Variants in SPATA21 observed in about 807,000 individuals in gnomAD.
The protein encoded by SPATA21 is spermatogenesis-associated protein 21.
SPATA21 carries 47 observed loss-of-function variants against 54.8 expected under a neutral mutation model. The ratio of observed to expected loss-of-function variants is 0.86; its 90% CI spans 0.68 to 1.09. The LOEUF (loss-of-function observed/expected upper bound fraction) is 1.09, where lower values mean the gene tolerates loss of function less well. SPATA21 is among the 50% of genes least tolerant of loss of function. SPATA21 has a pLI of 0.00. For synonymous variants in SPATA21, 245 were observed against 235.3 expected (o/e 1.04, Z -0.38); for missense variants, 599 against 596.4 (o/e 1.00, Z -0.05).
In SPATA21 at chr1:16,399,533, G is replaced by A. The variant is rs1248308326; in HGVS notation, c.1175-12C>T. 6.2e-7 allele frequency: 1 copy of A among 1,609,366 alleles called. No individual in the cohort carries two copies. The highest frequency in any genetic ancestry group is 2.2e-5 in the East Asian group (1 of 44,854). The stretch of plus-strand genomic sequence containing the variant: ...CTGCAGGTTGGGAGCTGGTGAAGAA[G>A]GAGGCAGAAGGAGGAATGCTTCACA... On this transcript the variant is annotated splice_polypyrimidine_tract_variant and intron_variant, in intron 11 of 12. Coordinates refer to ENST00000335496, the MANE Select transcript of SPATA21 (RefSeq NM_198546.1).
intron 7 of SPATA21, among the ~76,000 whole-genome samples, chr1:16,407,360 C>CA (rs1206895883): frequency 6.6e-6 from 1 of 152,056 alleles, no homozygotes; most frequent in African/African-American, 2.4e-5. Flanking sequence ...GTCTCTGAGT[C>CA]AAAGTGGCAT....
rs766567331 is a variant in SPATA21 at position 16,409,161 on chromosome 1, G to A, written c.630C>T (p.Asn210=). 5.0e-6 allele frequency: 8 copies of A among 1,614,018 alleles called. No homozygotes were observed. Among genetic ancestry groups the A allele is most frequent in the South Asian group, 1.1e-5 (1 of 91,092 alleles). ...EEQSLQKLYQ[N]REKSEEQLTL... ...TCAGTTGCTCCTCGGACTTCTCCCG[G>A]TTTTGATAAAGCTTTTGGAGGCTCT... is the stretch of plus-strand genomic sequence containing the variant. The change falls in exon 7 of 13, where the codon AAC becomes AAT. Residue 210 remains asparagine, a synonymous_variant. Coordinates refer to ENST00000335496, the MANE Select transcript of SPATA21 (RefSeq NM_198546.1). The surrounding 1 kb of genome is among the most constrained non-coding windows in gnomAD (Gnocchi z 4.1).
Position 16,400,840 on chromosome 1 carries a change from C to A in SPATA21, c.1054G>T (p.Ala352Ser). 1 of 1,614,248 alleles carries A rather than the reference C, an allele frequency of 6.2e-7. No individual in the cohort carries two copies. The highest frequency in any genetic ancestry group is 1.3e-5 in the African/African-American group (1 of 75,068). The change falls in exon 11 of 13, where the codon GCG becomes TCG. Residue 352 changes from alanine (A) to serine (S), a missense_variant. By Grantham distance (99) the Ala-to-Ser change is moderately conservative. Coordinates refer to ENST00000335496, the MANE Select transcript of SPATA21 (RefSeq NM_198546.1). ...EGTCKAQEME[A>S]AVGRLRLQKL... ...TGCAACCGCAGCCGGCCTACGGCCG[C>A]TTCCATCTCCTGGGCCTTGCAGGTG...
rs2085537211 is a variant in SPATA21, at chr1:16,403,856, G to A, written c.884-12C>T. ...CAGGGCGTTCTGTTCTGGAGACATG[G>A]GATAGTGGCTGCCGTTACCACTGGG... is the stretch of plus-strand genomic sequence containing the variant. On this transcript the variant is annotated splice_polypyrimidine_tract_variant and intron_variant, in intron 9 of 12. Transcript: ENST00000335496. The A allele has an allele frequency of 6.2e-7, 1 of 1,609,552 alleles. No individual in the cohort carries two copies.
chr1:16,398,824 T>TGGGGAGAGGAGTAGGGCAGAAGGG lies in SPATA21; in HGVS notation c.1353-26_1353-3dup. ...TTTCTGCTGTCAGAGTTGTGTTCCC[T>TGGGGAGAGGAGTAGGGCAGAAGGG]GGGGAGAGGAGTAGGGCAGAAGGGT... On this transcript the variant is annotated splice_region_variant and splice_polypyrimidine_tract_variant and intron_variant, in intron 12 of 12. Transcript: ENST00000335496. 6.2e-7 allele frequency: 1 copy of TGGGGAGAGGAGTAGGGCAGAAGGG among 1,612,276 alleles called. No homozygotes were observed. The highest frequency in any genetic ancestry group is 1.1e-5 in the South Asian group (1 of 90,982).
chr1:16,424,776 C>T (rs2086276223), intron 3 of SPATA21: 1 of 155,936 alleles, frequency 6.4e-6, no homozygotes, highest in South Asian at 1.9e-4. Flanking sequence ...TCCAGGATAT[C>T]CTAGCATACA....
At position 16,421,141 on chromosome 1, in the gene SPATA21, G is replaced by A. The variant is rs963500156; in HGVS notation, c.144+368C>T. On this transcript the variant is annotated intron_variant, in intron 5 of 12. Coordinates refer to ENST00000335496, the MANE Select transcript of SPATA21 (RefSeq NM_198546.1). The surrounding 1 kb of genome is among the most constrained non-coding windows in gnomAD (Gnocchi z 5.2). ...GAGGGAAGGATGGCTGGGAGGGGTCGGGGAAGCCTCCCAGGTGTTCAGGGA... is the reference window on the plus strand; with the variant it reads ...GAGGGAAGGATGGCTGGGAGGGGTCAGGGAAGCCTCCCAGGTGTTCAGGGA... Among the ~76,000 whole-genome samples, 1 of 151,994 alleles carries A rather than the reference G, an allele frequency of 6.6e-6. No homozygotes were observed. Among genetic ancestry groups the A allele is most frequent in the African/African-American group, 2.4e-5 (1 of 41,372 alleles).
chr1:16,434,658 A>G (rs1273219370), intron 1 of SPATA21, among the ~76,000 whole-genome samples: 1 of 152,102 alleles, frequency 6.6e-6, no homozygotes, highest in African/African-American at 2.4e-5. Flanking sequence ...AAGTTTTTAT[A>G]TGAACATACA....
At chr1:16,433,617 C>T (rs2086515284) in intron 1 of SPATA21, among the ~76,000 whole-genome samples, 1 of 152,210 alleles carries the variant, frequency 6.6e-6, no homozygotes, top group South Asian at 2.1e-4. Flanking sequence ...AATTGTCAGG[C>T]CCCAGTATTC....
At chr1:16,426,788 C>A (rs754487408) in intron 3 of SPATA21, among the ~76,000 whole-genome samples, 9 of 151,754 alleles carry the variant, frequency 5.9e-5, no homozygotes, top group Non-Finnish European at 1.2e-4. Context: ...CCATGTTGGC[C>A]AGACTGGTTT....
At chr1:16,430,428 G>A (rs1350868997) in intron 3 of SPATA21, among the ~76,000 whole-genome samples, 1 of 152,146 alleles carries the variant, frequency 6.6e-6, no homozygotes, top group African/African-American at 2.4e-5. Flanking sequence ...GTGAGAGCCT[G>A]TCTCAAAAAT....
chr1:16,402,054 A>G (rs1258408253), intron 10 of SPATA21, among the ~76,000 whole-genome samples: 1 of 152,070 alleles, frequency 6.6e-6, no homozygotes, highest in Non-Finnish European at 1.5e-5. Context: ...GGCTTCAACT[A>G]GCTTTGCACA....
intron 10 of SPATA21, 68 bp downstream of exon 10, chr1:16,403,659 A>G: frequency 7.2e-7 from 1 of 1,391,114 alleles, no homozygotes; most frequent in Non-Finnish European, 1.0e-6. Flanking sequence ...AAAAGTTCTC[A>G]GTGCCAAAAT....
At chr1:16,408,132 A>G (rs681104) in intron 7 of SPATA21, among the ~76,000 whole-genome samples, 60,846 of 151,906 alleles carry the variant, frequency 0.4, 12,803 homozygotes, top group East Asian at 0.68. Context: ...AGCTAGTGAG[A>G]GCATCCAGCG....
At chr1:16,412,940 T>C (rs2085894573) in intron 5 of SPATA21, among the ~76,000 whole-genome samples, 1 of 152,172 alleles carries the variant, frequency 6.6e-6, no homozygotes, top group Non-Finnish European at 1.5e-5. Flanking sequence ...TGCACTACCA[T>C]ACCCGGCTAG....
intron 5 of SPATA21, among the ~76,000 whole-genome samples, chr1:16,413,870 C>T (rs1267905446): frequency 6.6e-6 from 1 of 152,136 alleles, no homozygotes; most frequent in Admixed American, 6.6e-5. Context: ...GCCTCGGCCT[C>T]CCAAAGTGCT....
At chr1:16,404,761 G>A (rs1418073041) in intron 8 of SPATA21, among the ~76,000 whole-genome samples, 1 of 152,200 alleles carries the variant, frequency 6.6e-6, no homozygotes, top group Non-Finnish European at 1.5e-5. Flanking sequence ...GGTGAGCAGG[G>A]ATCACAGCAT....
chr1:16,422,172 G>A lies in SPATA21; in HGVS notation c.35-201C>T, dbSNP rs79265477. 12,532 of 1,442,218 alleles carry A rather than the reference G, an allele frequency of 8.7e-3. 839 individuals carry two copies. In the African/African-American group the frequency reaches 0.15, roughly 17 times the overall value. The allele number at this position is 1,442,218 out of a possible 1,614,324, so 89.3% of individuals were successfully genotyped here. The stretch of plus-strand genomic sequence containing the variant: ...CTGCACCATGTCTGCCTGGTGACTG[G>A]GGGTGGATTGATATCCGGAGCCCTG... On this transcript the variant is annotated intron_variant, in intron 3 of 12. Transcript: ENST00000335496.
In SPATA21 at chr1:16,418,571, C is replaced by CTT. The variant is rs538274194; in HGVS notation, c.144+2936_144+2937dup. Among the ~76,000 whole-genome samples, 749 of 146,632 alleles carry CTT rather than the reference C, an allele frequency of 5.1e-3. 10 individuals are homozygous for CTT. Among genetic ancestry groups the CTT allele is most frequent in the Non-Finnish European group, 5.7e-3 (380 of 66,144 alleles). ...ACAAGCATGAGCCACCATACCCTCT[C>CTT]TTTTTTTTTTTTCCAAGACAGAGGC... On this transcript the variant is annotated intron_variant, in intron 5 of 12. Transcript: ENST00000335496.
Sources: allele counts gnomAD v4.1 joint callset (sites outside exome capture counted in the v4.1 genomes callset), GRCh38; gene constraint gnomAD v4.1.1; non-coding constraint Gnocchi (gnomAD v3.1); transcripts MANE v1.5; gene names NCBI Gene and HGNC (gene_info 2026-07-23, HGNC 2026-07-21).